The following ADAM12 variants were observed in gnomAD, a reference collection of about 807,000 sequenced individuals.
ADAM12 encodes the protein ADAM metallopeptidase domain 12.
Under a neutral mutation model 106.4 loss-of-function variants are expected in ADAM12, and 70 were observed. The ratio of observed to expected loss-of-function variants is 0.66; its 90% CI spans 0.54 to 0.80. The LOEUF (loss-of-function observed/expected upper bound fraction) is 0.80. Among genes scored for constraint, ADAM12 ranks in the 30% least tolerant of loss-of-function variants. ADAM12 has a pLI of 0.00. For synonymous variants in ADAM12, 420 were observed against 433.5 expected (o/e 0.97, Z 0.39); for missense variants, 1,010 against 1,171.9 (o/e 0.86, Z 2.02).
At chr10:126,192,256 T>G (rs929262814) in intron 3 of ADAM12, among the ~76,000 whole-genome samples, 16 of 152,192 alleles carry the variant, frequency 1.1e-4, no homozygotes, top group Admixed American at 1.0e-3. Flanking sequence ...TTATGAGAAC[T>G]GCATGAGTTA....
At chr10:126,270,822 T>C (rs1003544304) in intron 3 of ADAM12, among the ~76,000 whole-genome samples, 6 of 152,168 alleles carry the variant, frequency 3.9e-5, no homozygotes, top group African/African-American at 1.2e-4. Flanking sequence ...GGATATGGAA[T>C]AGGGCCTGGG....
intron 3 of ADAM12, among the ~76,000 whole-genome samples, chr10:126,237,626 T>A (rs558471442): frequency 8.7e-4 from 132 of 152,344 alleles, no homozygotes; most frequent in African/African-American, 3.1e-3. Context: ...TACTGGGCTG[T>A]GATCCTTATT....
intron 2 of ADAM12, among the ~76,000 whole-genome samples, chr10:126,315,906 G>A (rs1387341774): frequency 2.0e-5 from 3 of 152,174 alleles, no homozygotes; most frequent in Admixed American, 6.5e-5. Context: ...AGCTCCCAGC[G>A]ATCCGATGCA....
At chr10:126,054,384 T>A (rs1954581417) in intron 14 of ADAM12, among the ~76,000 whole-genome samples, 1 of 152,214 alleles carries the variant, frequency 6.6e-6, no homozygotes, top group African/African-American at 2.4e-5. Flanking sequence ...GGATGCAGGA[T>A]GATGAGCGCC....
At chr10:126,354,303 T>G (rs1425790700) in intron 1 of ADAM12, among the ~76,000 whole-genome samples, 6 of 152,190 alleles carry the variant, frequency 3.9e-5, no homozygotes, top group African/African-American at 1.4e-4. Context: ...CTAGAATATA[T>G]TTTGCAATAA....
At chr10:126,128,814 G>A (rs1186487285) in intron 5 of ADAM12, among the ~76,000 whole-genome samples, 32 of 150,484 alleles carry the variant, frequency 2.1e-4, no homozygotes, top group South Asian at 4.2e-4. Flanking sequence ...GCAAGTGGAC[G>A]CCTGCGCATG....
intron 17 of ADAM12, among the ~76,000 whole-genome samples, chr10:126,045,797 A>G (rs774006290): frequency 5.9e-5 from 9 of 152,170 alleles, no homozygotes; most frequent in Non-Finnish European, 8.8e-5. Context: ...TTTTCAAATT[A>G]CTTTGAACAA....
intron 11 of ADAM12, among the ~76,000 whole-genome samples, chr10:126,075,479 A>C (rs1955081709): frequency 6.6e-6 from 1 of 152,230 alleles, no homozygotes; most frequent in Admixed American, 6.5e-5. Flanking sequence ...TGGAGCTTGC[A>C]TTCAGTGGGG....
intron 2 of ADAM12, among the ~76,000 whole-genome samples, chr10:126,290,795 G>A (rs1960115204): frequency 6.6e-6 from 1 of 152,202 alleles, no homozygotes. Context: ...GCTGAAAGCA[G>A]CTTAGCTTTC....
chr10:126,320,365 G>A (rs1337492117), intron 2 of ADAM12, among the ~76,000 whole-genome samples: 3 of 152,092 alleles, frequency 2.0e-5, no homozygotes, highest in East Asian at 3.9e-4. Context: ...ATTCTACAAC[G>A]GTGCTGTAGT....
intron 21 of ADAM12, among the ~76,000 whole-genome samples, chr10:126,024,463 A>AATATAT (rs1352913528): frequency 6.6e-6 from 1 of 152,190 alleles, no homozygotes; most frequent in Non-Finnish European, 1.5e-5. Flanking sequence ...AACAGAAGAG[A>AATATAT]ATATATAGAC....
chr10:126,328,829 G>A (rs1854399923), intron 2 of ADAM12, among the ~76,000 whole-genome samples: 2 of 152,142 alleles, frequency 1.3e-5, no homozygotes, highest in South Asian at 2.1e-4. Context: ...AATAATCATG[G>A]TTCTTCCTAG....
intron 3 of ADAM12, among the ~76,000 whole-genome samples, chr10:126,201,021 G>A (rs980765107): frequency 3.3e-5 from 5 of 152,186 alleles, no homozygotes; most frequent in African/African-American, 1.2e-4. Context: ...ATCCTAGAAA[G>A]GTGGGGTTGT....
rs549118141 is a variant in ADAM12, at chr10:126,248,736, G to GTCTC, written c.260+30175_260+30178dup. On this transcript the variant is annotated intron_variant, in intron 3 of 22. Coordinates refer to ENST00000448723, the MANE Select transcript of ADAM12 (RefSeq NM_001288973.2). Reference sequence around the variant, plus strand: ...ATTTATTTATTTATTTTGAGACAGAGTCTCTGTCGCCCAGGCTGAAGTGCA... The same window carrying GTCTC: ...ATTTATTTATTTATTTTGAGACAGAGTCTCTCTCTGTCGCCCAGGCTGAAGTGCA... Among the ~76,000 whole-genome samples, 77 of 151,024 alleles carry GTCTC rather than the reference G, an allele frequency of 5.1e-4. No homozygotes were observed. In the East Asian group the frequency reaches 0.011, roughly 21 times the overall value.
chr10:126,321,096 C>T (rs753519220), intron 2 of ADAM12, among the ~76,000 whole-genome samples: 3 of 152,182 alleles, frequency 2.0e-5, no homozygotes, highest in Admixed American at 6.5e-5. Context: ...AGCATTCATA[C>T]GTCCTTGGGC....
chr10:126,119,144 C>T (rs1008262021), intron 5 of ADAM12, among the ~76,000 whole-genome samples: 10 of 152,106 alleles, frequency 6.6e-5, no homozygotes, highest in South Asian at 2.1e-4. Context: ...GGCTGAGGTC[C>T]GGCCTCTGGA....
chr10:126,284,353 A>G (rs1027864526), intron 2 of ADAM12, among the ~76,000 whole-genome samples: 3 of 151,120 alleles, frequency 2.0e-5, no homozygotes, highest in Admixed American at 6.6e-5. Flanking sequence ...AAAAAAAAAA[A>G]AAAAAGACCT....
intron 11 of ADAM12, among the ~76,000 whole-genome samples, chr10:126,075,396 C>T (rs372264012): frequency 6.6e-6 from 1 of 152,078 alleles, no homozygotes; most frequent in Non-Finnish European, 1.5e-5. Context: ...TATTCAACAC[C>T]GACTAGGTGC....
intron 3 of ADAM12, among the ~76,000 whole-genome samples, chr10:126,270,889 G>A (rs1456570834): frequency 2.0e-5 from 3 of 152,200 alleles, no homozygotes; most frequent in Admixed American, 1.3e-4. Context: ...ATTCAGTGGA[G>A]CACTGACATT....
Sources: gnomAD v4.1 joint callset for allele counts (sites outside exome capture counted in the v4.1 genomes callset) on GRCh38, gnomAD v4.1.1 for gene constraint, MANE v1.5 for transcripts, NCBI Gene and HGNC (gene_info 2026-07-23, HGNC 2026-07-21) for gene names.